Variants in SRSF11 observed in about 807,000 individuals in gnomAD.
SRSF11 encodes serine and arginine rich splicing factor 11, also known as serine/arginine-rich splicing factor 11.
Under a neutral mutation model 56.0 loss-of-function variants are expected in SRSF11, and 9 were observed. That is an observed-to-expected ratio of 0.16 (90% CI 0.10 to 0.28). The LOEUF is 0.28. Ranked by LOEUF, SRSF11 falls within the 10% of genes least tolerant of loss-of-function variation. SRSF11 has a pLI of 1.00. For synonymous variants in SRSF11, 222 were observed against 215.3 expected, an observed-to-expected ratio of 1.03 and a Z score of -0.27; for missense variants, 421 against 600.7, an observed-to-expected ratio of 0.70 and a Z score of 3.13.
At chr1:70,209,498 C>T (rs1335065633) in intron 1 of SRSF11, among the ~76,000 whole-genome samples, 1 of 152,110 alleles carries the variant, frequency 6.6e-6, no homozygotes. Context: ...ATTGAGAGAA[C>T]ATTTTAGTTT....
intron 2 of SRSF11, chr1:70,231,419 C>T (rs1672818638): frequency 1.9e-6 from 2 of 1,057,992 alleles, no homozygotes; most frequent in Admixed American, 5.0e-5. Context: ...TATCTGAATA[C>T]ACAGATTAGG....
intron 2 of SRSF11, chr1:70,229,730 CT>C: frequency 1.0e-6 from 1 of 984,200 alleles, no homozygotes; most frequent in Non-Finnish European, 1.2e-6. Context: ...TACACCATAC[CT>C]TGTAAAAGTT....
At chr1:70,223,596 C>T (rs1364163561) in intron 1 of SRSF11, among the ~76,000 whole-genome samples, 1 of 152,148 alleles carries the variant, frequency 6.6e-6, no homozygotes, top group East Asian at 1.9e-4. Flanking sequence ...CACATTTTTA[C>T]TCTGACTCCT....
At chr1:70,229,146 A>G in intron 2 of SRSF11, 5 of 1,268,516 alleles carry the variant, frequency 3.9e-6, no homozygotes, top group Non-Finnish European at 5.1e-6. Flanking sequence ...TTCTTGCTAT[A>G]TTTCTAGAAT....
chr1:70,252,052 T>G lies in SRSF11; in HGVS notation c.*1247T>G, dbSNP rs1480600272. The G allele has an allele frequency of 6.6e-6, 1 of 152,634 alleles. No individual in the cohort carries two copies. Among genetic ancestry groups the G allele is most frequent in the Non-Finnish European group, 1.5e-5 (1 of 68,008 alleles). 9.5% of individuals were successfully genotyped at this position (152,634 alleles called of 1,614,324 possible). On this transcript the variant is annotated 3_prime_UTR_variant, in exon 12 of 12. Transcript: ENST00000370949. ...TTGTATTTATTTACGCTACTGAATG[T>G]ATGACATTTACCTCATTCATTTTAC...
In SRSF11 at chr1:70,237,461, T is replaced by C. The variant is rs920826740; in HGVS notation, c.627T>C (p.Ser209=). 6.2e-7 allele frequency: 1 copy of C among 1,613,896 alleles called. No homozygotes were observed. The highest frequency in any genetic ancestry group is 8.5e-7 in the Non-Finnish European group (1 of 1,179,996). ...NHVAAGLVSP[S]LKSDTSSKEI... is the part of the protein sequence containing the mutation. ...TAGCTGCTGGTCTCGTTTCACCAAG[T>C]CTGAAATCGGATACCTCTAGTAAAG... is the stretch of plus-strand genomic sequence containing the variant. Residue 209 remains serine (S), a synonymous_variant, in exon 6 of 12, where the codon AGT becomes AGC. Coordinates refer to ENST00000370949, the MANE Select transcript of SRSF11 (RefSeq NM_001350605.2).
chr1:70,227,039 G>A (rs1671938262), intron 1 of SRSF11, among the ~76,000 whole-genome samples: 1 of 152,124 alleles, frequency 6.6e-6, no homozygotes, highest in Admixed American at 6.5e-5. Flanking sequence ...TCTGTGTTTA[G>A]CCTGAGAGGT....
At chr1:70,205,808 G>A (rs768077897) in intron 1 of SRSF11, 15 of 377,134 alleles carry the variant, frequency 4.0e-5, no homozygotes, top group Non-Finnish European at 5.8e-5. Context: ...GCTTAAGAGG[G>A]GCTTTCGGGT....
chr1:70,230,790 C>T (rs1020859499), intron 2 of SRSF11: 1 of 1,172,220 alleles, frequency 8.5e-7, no homozygotes, highest in Non-Finnish European at 1.1e-6. Context: ...TGCAAATGCA[C>T]TAATTTGAGT....
chr1:70,212,442 A>G (rs1041782314), intron 1 of SRSF11, among the ~76,000 whole-genome samples: 10 of 152,056 alleles, frequency 6.6e-5, no homozygotes, highest in Non-Finnish European at 1.2e-4. Flanking sequence ...TTTTTAGTAG[A>G]GATGGGGTTT....
In SRSF11 at chr1:70,251,707, C is replaced by T. The variant is rs1677977850; in HGVS notation, c.*902C>T. On this transcript the variant is annotated 3_prime_UTR_variant, in exon 12 of 12. Coordinates refer to ENST00000370949, the MANE Select transcript of SRSF11 (RefSeq NM_001350605.2). ...TCCGTGTTGGAAAAAAGGGGTAGTG[C>T]ATTTTAAATTGACCTTCATACGCTT... 2 of 152,548 alleles carry T rather than the reference C, an allele frequency of 1.3e-5. No homozygotes were observed. The highest frequency in any genetic ancestry group is 4.8e-5 in the African/African-American group (2 of 41,448). The allele number at this position is 152,548 out of a possible 1,614,324, so 9.4% of individuals were successfully genotyped here.
At chr1:70,217,740 A>T (rs528931069), upstream of SRSF11, among the ~76,000 whole-genome samples, 2 of 152,322 alleles carry the variant, frequency 1.3e-5, no homozygotes, top group Admixed American at 1.3e-4. Flanking sequence ...TAAAACTGTC[A>T]TAGATTGGTT....
chr1:70,221,856 A>G lies in SRSF11; in HGVS notation c.203+17A>G, dbSNP rs1370861722. The G allele has an allele frequency of 2.5e-6, 4 of 1,613,362 alleles. No individual in the cohort carries two copies. The highest frequency in any genetic ancestry group is 3.4e-6 in the Non-Finnish European group (4 of 1,179,882). On this transcript the variant is annotated intron_variant, in intron 1 of 11. Coordinates refer to ENST00000370949, the MANE Select transcript of SRSF11 (RefSeq NM_001350605.2). ...CCCGCCGGAGTGAGTATCGTCCACC[A>G]TCACTGTTCCTGCTAACGCCGCCTC... is the stretch of plus-strand genomic sequence containing the variant.
chr1:70,239,485 T>C lies in SRSF11; in HGVS notation c.765T>C (p.Ser255=), dbSNP rs750802581. The change falls in exon 7 of 12, where the codon TCT becomes TCC. Residue 255 remains serine, a synonymous_variant. Transcript: ENST00000370949. ...KRRHSRSRSR[S]RRRRTPSSSR... ...GGCATTCAAGATCAAGATCACGTTC[T>C]AGGAGGAGGAGGACTCCCTCATCTT... The C allele has an allele frequency of 3.7e-6, 6 of 1,609,746 alleles. No individual in the cohort carries two copies. Among genetic ancestry groups the C allele is most frequent in the Middle Eastern group, 1.7e-4 (1 of 6,058 alleles).
At chr1:70,249,758 C>A (rs960675570) in intron 9 of SRSF11, 194 bp from the exon 10 acceptor site, 6 of 529,254 alleles carry the variant, frequency 1.1e-5, no homozygotes, top group South Asian at 2.5e-5. Context: ...CAGAGTTTCA[C>A]CATGTTGCCC....
chr1:70,208,488 C>T (rs1669258758), intron 1 of SRSF11, among the ~76,000 whole-genome samples: 1 of 152,180 alleles, frequency 6.6e-6, no homozygotes, highest in Non-Finnish European at 1.5e-5. Flanking sequence ...TACGCACCAC[C>T]ACACCCAGCT....
At chr1:70,214,894 GT>G (rs34229824) in intron 1 of SRSF11, among the ~76,000 whole-genome samples, 3,592 of 125,898 alleles carry the variant, frequency 0.029, 65 homozygotes, top group African/African-American at 0.098. Flanking sequence ...CTGCAGATAA[GT>G]TTTTTTTTTT....
chr1:70,206,851 T>C (rs1008769455), intron 1 of SRSF11, among the ~76,000 whole-genome samples: 1 of 151,966 alleles, frequency 6.6e-6, no homozygotes, highest in African/African-American at 2.4e-5. Flanking sequence ...TTACCAATAG[T>C]TGTTACCCTA....
At chr1:70,249,805 T>A in intron 9 of SRSF11, 147 bp from the exon 10 acceptor site, 1 of 745,580 alleles carries the variant, frequency 1.3e-6, no homozygotes, top group Admixed American at 2.5e-5. Context: ...AGCAATCCCC[T>A]CACCTCAGCC....
Sources: allele counts gnomAD v4.1 joint callset (sites outside exome capture counted in the v4.1 genomes callset), GRCh38; gene constraint gnomAD v4.1.1; transcripts MANE v1.5; gene names NCBI Gene and HGNC (gene_info 2026-07-23, HGNC 2026-07-21).